GRIP2: variants seen among roughly 807,000 people sequenced by gnomAD.
GRIP2 encodes the protein glutamate receptor-interacting protein 2.
A neutral mutation model predicts 108.3 loss-of-function variants in GRIP2; 58 were observed. That is an observed-to-expected ratio of 0.54 (90% confidence interval 0.43 to 0.67). The LOEUF (loss-of-function observed/expected upper bound fraction) is 0.67, where lower values mean the gene tolerates loss of function less well. GRIP2 is among the 30% of genes least tolerant of loss of function. The pLI is 0.00. For synonymous variants in GRIP2, 586 were observed against 598.2 expected (o/e 0.98, Z 0.30); for missense variants, 1,278 against 1,430.6 (o/e 0.89, Z 1.72).
chr3:14,520,153 C>T lies in GRIP2; in HGVS notation c.987G>A (p.Leu329=), dbSNP rs778482664. The part of the protein sequence containing the change: ...SISEKVRLEI[L]PVPQSQRPLR... ...GTGGCCGCTGACTCTGGGGCACAGG[C>T]AGGATCTCCAGCCGCACCTTCTCTG... The change falls in exon 9 of 24, where the codon CTG becomes CTA. Residue 329 remains leucine (L), a synonymous_variant. Transcript: ENST00000621039. 103 of 1,610,278 alleles carry T rather than the reference C, an allele frequency of 6.4e-5. No homozygotes were observed. The highest frequency in any genetic ancestry group is 8.6e-5 in the Non-Finnish European group (101 of 1,178,906).
At chr3:14,592,270 G>C in the GRIP2 span, among the ~76,000 whole-genome samples, 1 of 152,206 alleles carries the variant, frequency 6.6e-6, no homozygotes, top group African/African-American at 2.4e-5. Flanking sequence ...GTAAGTGCCT[G>C]AGAGGCTGAT....
At chr3:14,556,116 C>T, upstream of GRIP2, 1 of 397,140 alleles carries the variant, frequency 2.5e-6, no homozygotes, top group Admixed American at 4.4e-5. Context: ...AGATAATCCT[C>T]CCCGGAGCCA....
At chr3:14,572,336 G>A in the GRIP2 span, among the ~76,000 whole-genome samples, 8 of 152,042 alleles carry the variant, frequency 5.3e-5, no homozygotes, top group Admixed American at 2.6e-4. Flanking sequence ...AAGCTAGGCC[G>A]GGCGTGGTGG....
intron 11 of GRIP2, among the ~76,000 whole-genome samples, chr3:14,516,775 C>G (rs942879422): frequency 1.2e-4 from 18 of 152,062 alleles, no homozygotes; most frequent in African/African-American, 4.1e-4. Flanking sequence ...GAAAAGACTT[C>G]CTTTCCTCAA....
At chr3:14,513,984 T>G (rs1694174669) in intron 12 of GRIP2, among the ~76,000 whole-genome samples, 174 bp from the exon 13 acceptor site, 1 of 152,228 alleles carries the variant, frequency 6.6e-6, no homozygotes, top group Non-Finnish European at 1.5e-5. Flanking sequence ...GGCTGGACCT[T>G]GCTGGACCTC....
At chr3:14,541,109 TGGGATTC>T (rs1694960137), upstream of GRIP2, among the ~76,000 whole-genome samples, 1 of 152,256 alleles carries the variant, frequency 6.6e-6, no homozygotes, top group Non-Finnish European at 1.5e-5. Context: ...TGCACACTCC[TGGGATTC>T]CTCCACATTG....
chr3:14,528,246 T>G (rs1694616637), intron 1 of GRIP2, among the ~76,000 whole-genome samples: 1 of 152,248 alleles, frequency 6.6e-6, no homozygotes, highest in African/African-American at 2.4e-5. Context: ...GTAGTTTGCA[T>G]CTTTTTATGG....
At chr3:14,557,890 C>T (rs1253533797), upstream of GRIP2, among the ~76,000 whole-genome samples, 1 of 152,234 alleles carries the variant, frequency 6.6e-6, no homozygotes, top group African/African-American at 2.4e-5. Flanking sequence ...ATGGGGCTAA[C>T]AGTTCCTGCC....
At chr3:14,506,307 G>A (rs1263760566) in intron 19 of GRIP2, among the ~76,000 whole-genome samples, 1 of 152,214 alleles carries the variant, frequency 6.6e-6, no homozygotes, top group Non-Finnish European at 1.5e-5. Context: ...CCAGCCACCA[G>A]ACTCAGACGT....
rs1178564756 is a variant in GRIP2, at chr3:14,521,666, C to T, written c.688G>A (p.Val230Met). The T allele has an allele frequency of 1.2e-6, 2 of 1,611,934 alleles. No individual in the cohort carries two copies. The highest frequency in any genetic ancestry group is 1.7e-6 in the Non-Finnish European group (2 of 1,179,032). ...CCAGGGGTGGCCACATCATACTCCA[C>T]CTGAAAGAGTGCCTCGTGGCTGCAC... ...RQCSHEALFQ[V>M]EYDVATPDTV... The change falls in exon 7 of 24, where the codon GTG (valine) becomes ATG (methionine). Residue 230 changes from valine (V) to methionine (M), a missense_variant. Transcript: ENST00000621039. This position sits in a 1 kb window ranked among gnomAD's most constrained non-coding sequence, Gnocchi z 5.1.
At chr3:14,590,491 A>G in the GRIP2 span, among the ~76,000 whole-genome samples, 1 of 152,032 alleles carries the variant, frequency 6.6e-6, no homozygotes, top group African/African-American at 2.4e-5. Context: ...CTCTCATCTG[A>G]TAAGGCTGAT....
At chr3:14,496,589 T>C in intron 21 of GRIP2, 29 bp from the exon 22 acceptor site, 1 of 1,583,290 alleles carries the variant, frequency 6.3e-7, no homozygotes, top group Non-Finnish European at 8.6e-7. Flanking sequence ...TTCTTTCAGA[T>C]GCTTGTTGGC....
intron 7 of GRIP2, 23 bp from the exon 8 acceptor site, chr3:14,520,560 T>C: frequency 1.2e-6 from 2 of 1,613,128 alleles, no homozygotes; most frequent in Non-Finnish European, 1.7e-6. Context: ...AGAAAAAAAG[T>C]TTGAAATGCA....
At chr3:14,525,802 C>G in intron 2 of GRIP2, 49 bp downstream of exon 2, 1 of 1,531,230 alleles carries the variant, frequency 6.5e-7, no homozygotes, top group South Asian at 1.2e-5. Context: ...ACCTAGGGCT[C>G]TCTGTGCCTC....
intron 3 of GRIP2, 29 bp downstream of exon 3, chr3:14,525,408 C>A: frequency 1.2e-6 from 2 of 1,607,522 alleles, no homozygotes; most frequent in Non-Finnish European, 8.5e-7. Flanking sequence ...GCACCCCCCT[C>A]CTGCGGCCGT....
chr3:14,499,940 G>A (rs1434258038), intron 21 of GRIP2, among the ~76,000 whole-genome samples: 2 of 152,184 alleles, frequency 1.3e-5, no homozygotes, highest in South Asian at 2.1e-4. Context: ...ATGAATTTGT[G>A]TAAAATTCAA....
Position 14,505,635 on chromosome 3 carries a change from A to G in GRIP2, c.2553T>C (p.Asp851=), listed in dbSNP as rs370222047. The change falls in exon 20 of 24, where the codon GAT becomes GAC. Residue 851 remains aspartate, a synonymous_variant. Coordinates refer to ENST00000621039, the MANE Select transcript of GRIP2 (RefSeq NM_001080423.4). The surrounding 1 kb of genome is among the most constrained non-coding windows in gnomAD (Gnocchi z 4.2). ...DESFPEEEEE[D]DWEPPTSPAP... is the part of the protein sequence containing the mutation. ...CAGACCTCGTTGGCGGCTCCCAATC[A>G]TCCTCCTCCTCCTCCTCTGGAAAGC... is the stretch of plus-strand genomic sequence containing the variant. 6.3e-7 allele frequency: 1 copy of G among 1,594,218 alleles called. No homozygotes were observed. Among genetic ancestry groups the G allele is most frequent in the Admixed American group, 1.7e-5 (1 of 58,838 alleles).
chr3:14,529,538 G>C lies in GRIP2; in HGVS notation c.41-3607C>G, dbSNP rs4685182. On this transcript the variant is annotated intron_variant, in intron 1 of 23. Coordinates refer to ENST00000621039, the MANE Select transcript of GRIP2 (RefSeq NM_001080423.4). ...TTACAAAGTAATACCATAATTATTA[G>C]TCTAATACCCATTCCAAATTTTAAT... is the stretch of plus-strand genomic sequence containing the variant. Among the ~76,000 whole-genome samples the C allele has an allele frequency of 7.9e-5, 12 of 151,994 alleles. No individual in the cohort carries two copies. The Middle Eastern group carries it at 0.01, about 130-fold the overall frequency.
chr3:14,522,047 G>GT lies in GRIP2; in HGVS notation c.567-261dup, dbSNP rs1194589401. 3.0e-4 allele frequency: 152 copies of GT among 501,208 alleles called. No individual in the cohort carries two copies. The East Asian group carries it at 3.5e-3, about 11-fold the overall frequency. 31.0% of individuals were successfully genotyped at this position (501,208 alleles called of 1,614,324 possible). ...CGCCTGCCACTCCTCTGGGTGTGCA[G>GT]TAATTCACAGACTCAGTGCAGAACC... On this transcript the variant is annotated intron_variant, in intron 6 of 23. Coordinates refer to ENST00000621039, the MANE Select transcript of GRIP2 (RefSeq NM_001080423.4). This position sits in a 1 kb window ranked among gnomAD's most constrained non-coding sequence, Gnocchi z 4.3.
Sources: allele counts gnomAD v4.1 joint callset (sites outside exome capture counted in the v4.1 genomes callset), GRCh38; gene constraint gnomAD v4.1.1; non-coding constraint Gnocchi (gnomAD v3.1); transcripts MANE v1.5; gene names NCBI Gene and HGNC (gene_info 2026-07-23, HGNC 2026-07-21).